FRMD6: variants seen among roughly 807,000 people sequenced by gnomAD.
FRMD6 encodes FERM domain containing 6.
Under a neutral mutation model 73.2 loss-of-function variants are expected in FRMD6, and 37 were observed. That is an observed-to-expected ratio of 0.51 (90% CI 0.39 to 0.66). FRMD6 has a LOEUF of 0.66. Among genes scored for constraint, FRMD6 ranks in the 30% least tolerant of loss-of-function variants. FRMD6 has a pLI of 0.00. For missense variants in FRMD6, 714 were observed against 780.5 expected, an observed-to-expected ratio of 0.91 and a Z score of 1.02; for synonymous variants, 273 against 282.2, an observed-to-expected ratio of 0.97 and a Z score of 0.33.
At position 51,702,604 on chromosome 14, in the gene FRMD6, G is replaced by A. The variant is rs1455931105; in HGVS notation, c.371+16G>A. ...GATTGATCAGGTAAGAGGACAGGGG[G>A]TGATTCTAAACGCTTTTTTTTCCCC... is the stretch of plus-strand genomic sequence containing the variant. On this transcript the variant is annotated intron_variant, in intron 5 of 13. Coordinates refer to ENST00000344768, the MANE Select transcript of FRMD6 (RefSeq NM_001267046.2). 2 of 1,601,878 alleles carry A rather than the reference G, an allele frequency of 1.2e-6. No homozygotes were observed. The highest frequency in any genetic ancestry group is 2.7e-5 in the African/African-American group (2 of 74,392).
chr14:51,462,360 C>T, the FRMD6 span, among the ~76,000 whole-genome samples: 3 of 152,112 alleles, frequency 2.0e-5, no homozygotes, highest in East Asian at 1.9e-4. Flanking sequence ...ATGCTGTGTA[C>T]GTGGTAAGAA....
the FRMD6 span, among the ~76,000 whole-genome samples, chr14:51,422,210 G>A: frequency 9.9e-5 from 15 of 152,092 alleles, no homozygotes; most frequent in African/African-American, 3.1e-4. Context: ...ACATAGTTCC[G>A]GTTGTTATTT....
the FRMD6 span, among the ~76,000 whole-genome samples, chr14:51,447,956 CCT>C: frequency 1.3e-5 from 2 of 152,150 alleles, no homozygotes; most frequent in African/African-American, 4.8e-5. Flanking sequence ...ATACTACTCC[CCT>C]GTCTTTTCTG....
intron 12 of FRMD6, among the ~76,000 whole-genome samples, chr14:51,724,798 A>C (rs1372646683): frequency 6.6e-6 from 1 of 151,360 alleles, no homozygotes; most frequent in Non-Finnish European, 1.5e-5. Context: ...CACTTGCTTC[A>C]TCCATTGGCA....
chr14:51,596,547 C>T lies in FRMD6; in HGVS notation c.-147+26137C>T, dbSNP rs576732865. Among the ~76,000 whole-genome samples the T allele has an allele frequency of 1.1e-3, 167 of 152,134 alleles. 1 individual carries two copies. The highest frequency in any genetic ancestry group is 1.9e-3 in the Non-Finnish European group (130 of 68,000). ...AAAGTGTACTCCTTCGTAAGTTTACCCATGTGGCTGAGTGTCATCAATAAT... is the reference window on the plus strand; with the variant it reads ...AAAGTGTACTCCTTCGTAAGTTTACTCATGTGGCTGAGTGTCATCAATAAT... On this transcript the variant is annotated intron_variant, in intron 2 of 14. Transcript: ENST00000356218.
the FRMD6 span, among the ~76,000 whole-genome samples, chr14:51,412,286 C>A: frequency 5.3e-5 from 8 of 152,016 alleles, no homozygotes; most frequent in African/African-American, 1.5e-4. Context: ...GAAAGTATAG[C>A]GATTCTGTGG....
chr14:51,652,825 A>G (rs1322100261), intron 1 of FRMD6, among the ~76,000 whole-genome samples: 1 of 152,182 alleles, frequency 6.6e-6, no homozygotes, highest in Non-Finnish European at 1.5e-5. Context: ...TGTAAGTGTA[A>G]AGTCTACAGA....
At chr14:51,598,565 C>T (rs903825486) in intron 2 of FRMD6, among the ~76,000 whole-genome samples, 1 of 152,314 alleles carries the variant, frequency 6.6e-6, no homozygotes, top group African/African-American at 2.4e-5. Flanking sequence ...CTCCTTCCCT[C>T]TCTCCCCATT....
the FRMD6 span, among the ~76,000 whole-genome samples, chr14:51,479,149 G>C: frequency 6.6e-6 from 1 of 152,080 alleles, no homozygotes; most frequent in Admixed American, 6.6e-5. Flanking sequence ...AACGTTTCAA[G>C]TGAGTGAGAA....
chr14:51,533,384 T>A (rs532428481), intron 1 of FRMD6, among the ~76,000 whole-genome samples: 1 of 152,168 alleles, frequency 6.6e-6, no homozygotes, highest in Non-Finnish European at 1.5e-5. Flanking sequence ...ATAAAACAGG[T>A]TCCACATTAC....
intron 1 of FRMD6, among the ~76,000 whole-genome samples, chr14:51,662,974 AC>A (rs1408261767): frequency 2.0e-5 from 3 of 152,226 alleles, no homozygotes; most frequent in African/African-American, 7.2e-5. Flanking sequence ...ACATGAACAG[AC>A]ACTTGAAAAG....
At chr14:51,422,009 C>T in the FRMD6 span, among the ~76,000 whole-genome samples, 1 of 152,230 alleles carries the variant, frequency 6.6e-6, no homozygotes, top group Admixed American at 6.5e-5. Flanking sequence ...CAGCCCTTGG[C>T]CCTCCAAACT....
chr14:51,701,106 C>A lies in FRMD6; in HGVS notation c.241C>A (p.Pro81Thr). 6.3e-7 allele frequency: 1 copy of A among 1,576,476 alleles called. No homozygotes were observed. The highest frequency in any genetic ancestry group is 2.3e-5 in the East Asian group (1 of 43,340). Residue 81 changes from proline (P) to threonine (T), a missense_variant, in exon 4 of 14, where the codon CCA becomes ACA. Coordinates refer to ENST00000344768, the MANE Select transcript of FRMD6 (RefSeq NM_001267046.2). ...ELSQKLYKYC[P>T]KEWKKEASKV... is the part of the protein sequence containing the mutation. ...GTCACAAAAGCTTTACAAATATTGTCCAAAAGAATGGAAGAAAGAGGCCAG... is the reference window on the plus strand; with the variant it reads ...GTCACAAAAGCTTTACAAATATTGTACAAAAGAATGGAAGAAAGAGGCCAG...
At chr14:51,692,625 G>GT in intron 2 of FRMD6, 1 of 152,212 alleles carries the variant, frequency 6.6e-6, no homozygotes, top group Non-Finnish European at 1.5e-5. Context: ...AATCTCAGCT[G>GT]AGGAAGATAG....
intron 2 of FRMD6, among the ~76,000 whole-genome samples, chr14:51,638,728 T>C (rs1053435145): frequency 1.3e-5 from 2 of 152,242 alleles, no homozygotes; most frequent in Non-Finnish European, 2.9e-5. Context: ...CTGAGAACTT[T>C]GATCATTCTT....
the FRMD6 span, among the ~76,000 whole-genome samples, chr14:51,465,776 G>C: frequency 6.6e-6 from 1 of 152,000 alleles, no homozygotes; most frequent in Non-Finnish European, 1.5e-5. Context: ...GCAAGTCTTT[G>C]TGCAAACATG....
chr14:51,574,461 T>C (rs1428884043), intron 2 of FRMD6, among the ~76,000 whole-genome samples: 1 of 152,232 alleles, frequency 6.6e-6, no homozygotes, highest in Admixed American at 6.5e-5. Flanking sequence ...GTGGTATGTA[T>C]GCACAACGGA....
intron 2 of FRMD6, among the ~76,000 whole-genome samples, chr14:51,610,010 C>A (rs974197695): frequency 1.3e-5 from 2 of 152,144 alleles, no homozygotes; most frequent in Non-Finnish European, 2.9e-5. Context: ...CCACATCCAG[C>A]TGTATGTGGC....
At chr14:51,677,340 G>GAT (rs1313632580) in intron 1 of FRMD6, among the ~76,000 whole-genome samples, 1 of 152,020 alleles carries the variant, frequency 6.6e-6, no homozygotes, top group Non-Finnish European at 1.5e-5. Context: ...ATTGCTACTA[G>GAT]ATAATGAGAA....
Sources: gnomAD v4.1 joint callset for allele counts (sites outside exome capture counted in the v4.1 genomes callset) on GRCh38, gnomAD v4.1.1 for gene constraint, MANE v1.5 for transcripts, NCBI Gene and HGNC (gene_info 2026-07-23, HGNC 2026-07-21) for gene names.